The following KIAA1217 variants were observed in gnomAD, a reference collection of about 807,000 sequenced individuals.
KIAA1217 encodes sickle tail protein homolog.
A neutral mutation model predicts 163.9 loss-of-function variants in KIAA1217; 88 were observed. The ratio of observed to expected loss-of-function variants is 0.54; its 90% CI spans 0.45 to 0.64. KIAA1217 has a LOEUF of 0.64. Ranked by LOEUF, KIAA1217 falls within the 30% of genes least tolerant of loss-of-function variation. KIAA1217 has a pLI of 0.00. For missense variants in KIAA1217, 2,372 were observed against 2,475.0 expected, an observed-to-expected ratio of 0.96 and a Z score of 0.88; for synonymous variants, 903 against 923.1, an observed-to-expected ratio of 0.98 and a Z score of 0.39.
chr10:24,520,400 C>A, intron 11 of KIAA1217, 147 bp downstream of exon 11: 2 of 1,093,390 alleles, frequency 1.8e-6, no homozygotes, highest in Non-Finnish European at 1.3e-6. Context: ...CTTGGGATAC[C>A]CCACAGCACA....
chr10:23,787,580 C>T (rs775421719), intron 1 of KIAA1217, among the ~76,000 whole-genome samples: 9 of 152,084 alleles, frequency 5.9e-5, no homozygotes, highest in Non-Finnish European at 1.3e-4. Context: ...ATAAAAGTTA[C>T]AGTCTACTCA....
intron 1 of KIAA1217, among the ~76,000 whole-genome samples, chr10:23,923,725 C>T (rs1842927733): frequency 6.6e-6 from 1 of 152,184 alleles, no homozygotes; most frequent in African/African-American, 2.4e-5. Context: ...TTGCTGACAC[C>T]TTGACTCTAG....
chr10:24,002,897 A>G (rs565014448), intron 1 of KIAA1217, among the ~76,000 whole-genome samples: 6 of 152,310 alleles, frequency 3.9e-5, no homozygotes, highest in Admixed American at 2.6e-4. Flanking sequence ...GTGAGAGCAT[A>G]TGCTACTTGA....
At position 23,836,931 on chromosome 10, in the gene KIAA1217, AAGGGAGGG is replaced by A. The variant is rs146417780; in HGVS notation, c.-321+141715_-321+141722del. ...GAGTGAGACCCTGTGGGAAGGAAGG[AAGGGAGGG>A]AGGGAGGGAGGGAGGGAATGAATAA... On this transcript the variant is annotated intron_variant, in intron 1 of 18. Transcript: ENST00000376462. Among the ~76,000 whole-genome samples, 666 of 132,620 alleles carry A rather than the reference AAGGGAGGG, an allele frequency of 5.0e-3. 2 individuals are homozygous for A. The highest frequency in any genetic ancestry group is 7.8e-3 in the Non-Finnish European group (496 of 63,430). The allele number at this position is 132,620 out of a possible 152,430, so 87.0% of individuals were successfully genotyped here.
chr10:24,471,160 C>T (rs573074805), intron 5 of KIAA1217, among the ~76,000 whole-genome samples: 2 of 152,270 alleles, frequency 1.3e-5, no homozygotes, highest in East Asian at 3.9e-4. Flanking sequence ...CTCTACTATC[C>T]CTACTGTCTT....
chr10:23,783,571 G>A (rs922613359), intron 1 of KIAA1217, among the ~76,000 whole-genome samples: 2 of 152,078 alleles, frequency 1.3e-5, no homozygotes, highest in African/African-American at 2.4e-5. Flanking sequence ...GACAATGCTG[G>A]CCTCATAAAA....
intron 2 of KIAA1217, among the ~76,000 whole-genome samples, chr10:24,177,721 A>G (rs1438289898): frequency 6.6e-6 from 1 of 152,058 alleles, no homozygotes; most frequent in African/African-American, 2.4e-5. Flanking sequence ...CCAAGCAGTT[A>G]GACAAATTGA....
At chr10:24,259,721 C>T (rs893617605) in intron 2 of KIAA1217, among the ~76,000 whole-genome samples, 7 of 152,184 alleles carry the variant, frequency 4.6e-5, no homozygotes, top group African/African-American at 1.7e-4. Flanking sequence ...TGTGCCTTCC[C>T]CCTGGGAGCC....
chr10:23,943,751 A>G (rs1219110723), intron 1 of KIAA1217, among the ~76,000 whole-genome samples: 4 of 152,260 alleles, frequency 2.6e-5, no homozygotes, highest in African/African-American at 4.8e-5. Flanking sequence ...TCAGGACAGT[A>G]TGGCAGTGTG....
intron 1 of KIAA1217, among the ~76,000 whole-genome samples, chr10:23,728,143 T>C (rs1026644666): frequency 1.2e-4 from 19 of 152,212 alleles, no homozygotes; most frequent in African/African-American, 4.3e-4. Context: ...AATGTCTTTA[T>C]AGAAGAATGA....
At chr10:23,938,676 A>C (rs996548601) in intron 1 of KIAA1217, among the ~76,000 whole-genome samples, 1 of 152,158 alleles carries the variant, frequency 6.6e-6, no homozygotes, top group African/African-American at 2.4e-5. Context: ...GAGTAAAAAA[A>C]AAAAGGATGT....
chr10:24,389,050 A>G (rs1199134657), intron 3 of KIAA1217, among the ~76,000 whole-genome samples: 5 of 152,124 alleles, frequency 3.3e-5, no homozygotes, highest in East Asian at 1.9e-4. Context: ...CCATCCCATT[A>G]CTGGGCATAT....
At chr10:24,079,581 G>A (rs937407674) in intron 2 of KIAA1217, among the ~76,000 whole-genome samples, 2 of 152,112 alleles carry the variant, frequency 1.3e-5, no homozygotes, top group Admixed American at 6.5e-5. Context: ...TCATTCCTTC[G>A]AAGTTCTGAA....
chr10:24,010,465 T>C (rs1847192401), intron 2 of KIAA1217, among the ~76,000 whole-genome samples: 1 of 148,882 alleles, frequency 6.7e-6, no homozygotes, highest in South Asian at 2.2e-4. Flanking sequence ...TAAAAGCAAA[T>C]AACTGATCGA....
At chr10:24,074,089 A>T (rs1251814539) in intron 2 of KIAA1217, among the ~76,000 whole-genome samples, 1 of 152,176 alleles carries the variant, frequency 6.6e-6, no homozygotes, top group Non-Finnish European at 1.5e-5. Flanking sequence ...CATGCCTGTA[A>T]CCCCAGCACT....
rs368611081 is a variant in KIAA1217 at position 24,533,065 on chromosome 10, C to T, written c.3247-5C>T. The T allele has an allele frequency of 6.2e-7, 1 of 1,603,218 alleles. No homozygotes were observed. The highest frequency in any genetic ancestry group is 8.5e-7 in the Non-Finnish European group (1 of 1,173,876). ...ACCACTATCTGTTGTTTCAATCTCC[C>T]ACAGGCAAGCAGTGAAGATGCTGGA... On this transcript the variant is annotated splice_polypyrimidine_tract_variant and splice_region_variant and intron_variant, in intron 15 of 20. Transcript: ENST00000376454.
At chr10:24,124,129 C>T (rs1191545960) in intron 2 of KIAA1217, among the ~76,000 whole-genome samples, 1 of 152,014 alleles carries the variant, frequency 6.6e-6, no homozygotes, top group African/African-American at 2.4e-5. Flanking sequence ...AACATTTCTC[C>T]ACATAATTTA....
chr10:23,737,270 C>G (rs1321879429), intron 1 of KIAA1217, among the ~76,000 whole-genome samples: 1 of 152,188 alleles, frequency 6.6e-6, no homozygotes, highest in Non-Finnish European at 1.5e-5. Flanking sequence ...ATGATCTCAG[C>G]TCACTGCCAC....
chr10:24,542,474 G>A, intron 17 of KIAA1217: 1 of 1,385,742 alleles, frequency 7.2e-7, no homozygotes, highest in Non-Finnish European at 9.4e-7. Flanking sequence ...GAAATCTTTT[G>A]CTAATTGAGA....
Sources: allele counts gnomAD v4.1 joint callset (sites outside exome capture counted in the v4.1 genomes callset), GRCh38; gene constraint gnomAD v4.1.1; transcripts MANE v1.5; gene names NCBI Gene and HGNC (gene_info 2026-07-23, HGNC 2026-07-21).